The following YAP1 variants were observed in gnomAD, a reference collection of about 807,000 sequenced individuals.
YAP1 encodes the protein Yes1 associated transcriptional regulator.
A neutral mutation model predicts 56.9 loss-of-function variants in YAP1; 5 were observed. The observed-to-expected ratio is 0.09, with a 90% CI of 0.05 to 0.18. YAP1 has a LOEUF of 0.18. Among genes scored for constraint, YAP1 ranks in the 10% least tolerant of loss-of-function variants. The pLI is 1.00. For missense variants in YAP1, 539 were observed against 651.8 expected, an observed-to-expected ratio of 0.83 and a Z score of 1.88; for synonymous variants, 265 against 248.1, an observed-to-expected ratio of 1.07 and a Z score of -0.64.
In YAP1 at chr11:102,231,165, G is replaced by A. The variant is rs987748027; in HGVS notation, c.*1225G>A. ...TGATGAATTGGAAAGGAGCAAACCA[G>A]AAATGGCTTTATTTTCTCCCTTGGA... On this transcript the variant is annotated 3_prime_UTR_variant, in exon 9 of 9. Coordinates refer to ENST00000282441, the MANE Select transcript of YAP1 (RefSeq NM_001130145.3). 1.3e-5 allele frequency: 2 copies of A among 152,240 alleles called. No individual in the cohort carries two copies. The highest frequency in any genetic ancestry group is 4.8e-5 in the African/African-American group (2 of 41,466). 9.4% of individuals were successfully genotyped at this position (152,240 alleles called of 1,614,324 possible). A position where few individuals can be genotyped will look rare whatever the true frequency, so the allele number is the denominator to read the frequency against.
chr11:102,138,022 G>A (rs1269584433), intron 2 of YAP1, among the ~76,000 whole-genome samples: 1 of 152,074 alleles, frequency 6.6e-6, no homozygotes, highest in Non-Finnish European at 1.5e-5. Flanking sequence ...TGAGTATCTG[G>A]GATTACAGGC....
intron 5 of YAP1, among the ~76,000 whole-genome samples, chr11:102,208,905 C>T (rs1399757193): frequency 6.6e-6 from 1 of 152,144 alleles, no homozygotes; most frequent in Non-Finnish European, 1.5e-5. Context: ...TGGGCAAATG[C>T]TGCTATTTGT....
rs1411075151 is a variant in YAP1, at chr11:102,232,257, TAG to T, written c.*2318_*2319del. 1 of 97,366 alleles carries T rather than the reference TAG, an allele frequency of 1.0e-5. No homozygotes were observed. The highest frequency in any genetic ancestry group is 1.9e-5 in the Non-Finnish European group (1 of 52,942). 6.0% of individuals were successfully genotyped at this position (97,366 alleles called of 1,614,324 possible). On this transcript the variant is annotated 3_prime_UTR_variant, in exon 9 of 9. Transcript: ENST00000282441. ...ATATATCAGCAGATTAGCTTTAGCT[TAG>T]GGGGAGGGTGGGAAAGTTTGGGGGG...
At chr11:102,134,734 G>T (rs1282590448) in intron 2 of YAP1, among the ~76,000 whole-genome samples, 1 of 151,850 alleles carries the variant, frequency 6.6e-6, no homozygotes, top group South Asian at 2.1e-4. Context: ...TGAGAGATAG[G>T]GTCTCACTCT....
At chr11:102,122,068 G>T (rs1043658845) in intron 2 of YAP1, among the ~76,000 whole-genome samples, 2 of 152,150 alleles carry the variant, frequency 1.3e-5, no homozygotes, top group African/African-American at 4.8e-5. Flanking sequence ...CACCTGGCCA[G>T]GCATATGGTT....
At chr11:102,136,236 A>C (rs1027368218) in intron 2 of YAP1, among the ~76,000 whole-genome samples, 1 of 152,088 alleles carries the variant, frequency 6.6e-6, no homozygotes, top group African/African-American at 2.4e-5. Context: ...TTTCTAAAGC[A>C]CTTGCTCAAA....
At chr11:102,194,148 G>A (rs1303975403) in intron 4 of YAP1, among the ~76,000 whole-genome samples, 2 of 152,236 alleles carry the variant, frequency 1.3e-5, no homozygotes, top group East Asian at 1.9e-4. Context: ...AGTTATATTT[G>A]TATTAACTCT....
chr11:102,198,017 A>G (rs1339500450), intron 4 of YAP1, among the ~76,000 whole-genome samples: 1 of 152,232 alleles, frequency 6.6e-6, no homozygotes, highest in African/African-American at 2.4e-5. Flanking sequence ...TAGATAAACA[A>G]GGTTGTTTGA....
intron 3 of YAP1, among the ~76,000 whole-genome samples, chr11:102,184,560 A>ACC (rs1309990065): frequency 6.6e-6 from 1 of 152,170 alleles, no homozygotes; most frequent in Non-Finnish European, 1.5e-5. Flanking sequence ...ACAGGATTTT[A>ACC]CCCCATCAAA....
chr11:102,164,790 T>G (rs1013643113), intron 3 of YAP1, among the ~76,000 whole-genome samples: 1 of 152,182 alleles, frequency 6.6e-6, no homozygotes, highest in South Asian at 2.1e-4. Flanking sequence ...TGGCACGATC[T>G]CAGCTCACCA....
chr11:102,207,759 T>C (rs73583927), intron 5 of YAP1, among the ~76,000 whole-genome samples: 1,619 of 152,322 alleles, frequency 0.011, 34 homozygotes, highest in African/African-American at 0.037. Context: ...AACTGTGCTT[T>C]GTCGGTAATC....
chr11:102,184,404 C>T (rs911677451), intron 3 of YAP1, among the ~76,000 whole-genome samples: 1 of 152,180 alleles, frequency 6.6e-6, no homozygotes, highest in African/African-American at 2.4e-5. Context: ...GCTTCTCATT[C>T]AGCCTCTGGT....
intron 7 of YAP1, among the ~76,000 whole-genome samples, chr11:102,225,533 G>A (rs1398974003): frequency 3.3e-5 from 5 of 152,034 alleles, no homozygotes; most frequent in Non-Finnish European, 7.4e-5. Flanking sequence ...TTTTTCCCTT[G>A]TTTACTATTT....
At chr11:102,174,967 C>A (rs1947151045) in intron 3 of YAP1, among the ~76,000 whole-genome samples, 1 of 152,124 alleles carries the variant, frequency 6.6e-6, no homozygotes, top group Non-Finnish European at 1.5e-5. Flanking sequence ...TACCACACTG[C>A]CCATTGTAAT....
chr11:102,149,164 C>A (rs184265751), intron 2 of YAP1, among the ~76,000 whole-genome samples: 1 of 152,150 alleles, frequency 6.6e-6, no homozygotes, highest in Non-Finnish European at 1.5e-5. Context: ...GAAATTGTTC[C>A]TAAAGGCAAC....
chr11:102,149,977 CTTTTTTTTT>C (rs386374692), intron 2 of YAP1, among the ~76,000 whole-genome samples: 4 of 50,336 alleles, frequency 7.9e-5, no homozygotes, highest in East Asian at 6.9e-4. Context: ...GAGTAGTGTG[CTTTTTTTTT>C]TTTTTTTTTT....
chr11:102,126,662 T>C (rs1944054676), intron 2 of YAP1, among the ~76,000 whole-genome samples: 1 of 152,146 alleles, frequency 6.6e-6, no homozygotes, highest in Non-Finnish European at 1.5e-5. Context: ...ACTAATACAG[T>C]ACATTGGTAC....
chr11:102,209,709 C>A, intron 6 of YAP1, 145 bp downstream of exon 6: 1 of 729,664 alleles, frequency 1.4e-6, no homozygotes, highest in South Asian at 2.5e-5. Context: ...CCAAGATACT[C>A]AGGTTAACAT....
At chr11:102,167,084 C>A (rs950613552) in intron 3 of YAP1, among the ~76,000 whole-genome samples, 3 of 152,166 alleles carry the variant, frequency 2.0e-5, no homozygotes, top group African/African-American at 7.2e-5. Context: ...GTAGATACTA[C>A]ATATAGCCTA....
Sources: allele counts gnomAD v4.1 joint callset (sites outside exome capture counted in the v4.1 genomes callset), GRCh38; gene constraint gnomAD v4.1.1; transcripts MANE v1.5; gene names NCBI Gene and HGNC (gene_info 2026-07-23, HGNC 2026-07-21).